The following LCORL variants were observed in gnomAD, a reference collection of about 807,000 sequenced individuals.
The protein encoded by LCORL is ligand-dependent nuclear receptor corepressor-like protein.
A neutral mutation model predicts 141.8 loss-of-function variants in LCORL; 41 were observed. The ratio of observed to expected loss-of-function variants is 0.29; its 90% CI spans 0.23 to 0.38. The LOEUF (loss-of-function observed/expected upper bound fraction) is 0.38, where lower values mean the gene tolerates loss of function less well. Ranked by LOEUF, LCORL falls within the 10% of genes least tolerant of loss-of-function variation. The pLI is 1.00. For missense variants in LCORL, 1,759 were observed against 2,035.0 expected (o/e 0.86, Z 2.61); for synonymous variants, 618 against 694.1 (o/e 0.89, Z 1.72).
At chr4:17,896,685 CG>C (rs1261446666) in intron 5 of LCORL, among the ~76,000 whole-genome samples, 1 of 152,122 alleles carries the variant, frequency 6.6e-6, no homozygotes, top group Non-Finnish European at 1.5e-5. Flanking sequence ...TCAGGGTAGA[CG>C]GGGCATCCAT....
intron 4 of LCORL, among the ~76,000 whole-genome samples, chr4:17,920,038 T>A (rs1055964694): frequency 1.3e-5 from 2 of 152,220 alleles, no homozygotes; most frequent in African/African-American, 4.8e-5. Context: ...GTGCATCTCT[T>A]CATCGGTATC....
At chr4:17,925,868 G>C (rs1017706741) in intron 4 of LCORL, among the ~76,000 whole-genome samples, 1 of 111,878 alleles carries the variant, frequency 8.9e-6, no homozygotes, top group Non-Finnish European at 1.6e-5. Flanking sequence ...GACAGAGTGA[G>C]ATTCCATCTC....
At position 17,938,172 on chromosome 4, in the gene LCORL, A is replaced by AT. The variant is rs577113638; in HGVS notation, c.430+23730dup. Among the ~76,000 whole-genome samples the AT allele has an allele frequency of 5.8e-4, 86 of 149,122 alleles. 1 individual carries two copies. In the East Asian group the frequency reaches 0.013, roughly 23 times the overall value. ...AGGCATGTGCCACCACGCCTGGCTAATTTTTTGTATTTTTATTAGAGATGG... is the reference window on the plus strand; with the variant it reads ...AGGCATGTGCCACCACGCCTGGCTAATTTTTTTGTATTTTTATTAGAGATGG... On this transcript the variant is annotated intron_variant, in intron 4 of 7. Coordinates refer to ENST00000635767, the Ensembl canonical transcript of LCORL.
intron 4 of LCORL, among the ~76,000 whole-genome samples, chr4:17,937,532 C>T (rs1008394187): frequency 3.3e-5 from 5 of 152,182 alleles, no homozygotes; most frequent in African/African-American, 1.2e-4. Flanking sequence ...CTAATAATTT[C>T]ATTCTTCCCT....
intron 2 of LCORL, among the ~76,000 whole-genome samples, chr4:17,966,527 A>C (rs1714910935): frequency 3.3e-5 from 5 of 152,134 alleles, no homozygotes. Context: ...CTGAAACAGA[A>C]AGCACCAACC....
intron 5 of LCORL, among the ~76,000 whole-genome samples, chr4:17,906,164 T>C (rs184445276): frequency 2.6e-5 from 4 of 152,328 alleles, no homozygotes; most frequent in South Asian, 4.1e-4. Flanking sequence ...CACATCCATA[T>C]GTACACACAA....
At chr4:17,951,229 T>C (rs1308535221) in intron 4 of LCORL, among the ~76,000 whole-genome samples, 2 of 152,244 alleles carry the variant, frequency 1.3e-5, no homozygotes, top group Non-Finnish European at 1.5e-5. Flanking sequence ...TTGACGATCA[T>C]TAATTATCTA....
At chr4:17,899,014 C>G (rs1730441151) in intron 5 of LCORL, among the ~76,000 whole-genome samples, 1 of 152,178 alleles carries the variant, frequency 6.6e-6, no homozygotes, top group African/African-American at 2.4e-5. Flanking sequence ...ATCAGTGTGA[C>G]AGGTGTGAAT....
At chr4:17,871,696 T>G (rs986184679) in intron 7 of LCORL, among the ~76,000 whole-genome samples, 1 of 151,968 alleles carries the variant, frequency 6.6e-6, no homozygotes, top group African/African-American at 2.4e-5. Flanking sequence ...GAATTATGTG[T>G]GTATATTTTC....
chr4:17,848,729 T>C (rs908002500), intron 7 of LCORL, among the ~76,000 whole-genome samples: 8 of 152,204 alleles, frequency 5.3e-5, no homozygotes, highest in Non-Finnish European at 2.9e-5. Flanking sequence ...GGGCGAGGCA[T>C]TGCCTCACTC....
At chr4:18,020,147 C>A (rs71603397) in intron 1 of LCORL, among the ~76,000 whole-genome samples, 19,226 of 152,186 alleles carry the variant, frequency 0.13, 1,356 homozygotes, top group South Asian at 0.26. Context: ...CTATATTCAT[C>A]GCGTTCTGCG....
chr4:17,912,500 G>T, intron 4 of LCORL: 1 of 502,834 alleles, frequency 2.0e-6, no homozygotes, highest in East Asian at 5.1e-5. Context: ...GAACTAGACA[G>T]GTTACTGGTC....
chr4:17,871,796 GAAC>G (rs1241050579), intron 7 of LCORL, among the ~76,000 whole-genome samples: 1 of 151,338 alleles, frequency 6.6e-6, no homozygotes, highest in African/African-American at 2.4e-5. Flanking sequence ...GTTATCCTAA[GAAC>G]AAGAAACAGG....
intron 1 of LCORL, among the ~76,000 whole-genome samples, chr4:17,989,522 T>C (rs924565715): frequency 7.2e-4 from 109 of 152,208 alleles, no homozygotes; most frequent in African/African-American, 2.6e-3. Context: ...TGATTTCAGA[T>C]ATTGAAAAAT....
chr4:18,021,221 G>A lies in LCORL; in HGVS notation c.154+377C>T, dbSNP rs1725509895. ...CCTGCCCGCCGGCTCTCCTCCGCCA[G>A]GGCGCCGACCCACCGGGCCGCTTCC... On this transcript the variant is annotated intron_variant, in intron 1 of 7. Transcript: ENST00000635767. The surrounding 1 kb of genome is among the most constrained non-coding windows in gnomAD (Gnocchi z 5.5). 6.6e-6 allele frequency among the ~76,000 whole-genome samples: 1 copy of A among 152,090 alleles called. No homozygotes were observed. Among genetic ancestry groups the A allele is most frequent in the Non-Finnish European group, 1.5e-5 (1 of 67,982 alleles).
In LCORL at chr4:17,899,639, A is replaced by G. The variant is rs1371720512; in HGVS notation, c.682+9455T>C. Among the ~76,000 whole-genome samples, 8 of 152,338 alleles carry G rather than the reference A, an allele frequency of 5.3e-5. No individual in the cohort carries two copies. In the East Asian group the frequency reaches 1.5e-3, roughly 29 times the overall value. On this transcript the variant is annotated intron_variant, in intron 5 of 7. Coordinates refer to ENST00000635767, the Ensembl canonical transcript of LCORL. ...ACTATCAGCTTTATTACAACTGGGCATAAGAACCCAATTTTGGCATATTGA... is the reference window on the plus strand; with the variant it reads ...ACTATCAGCTTTATTACAACTGGGCGTAAGAACCCAATTTTGGCATATTGA...
At chr4:17,874,658 C>T (rs1726726514) in exon 7 of LCORL, 1 of 1,233,766 alleles carries the variant, frequency 8.1e-7, no homozygotes, top group African/African-American at 1.5e-5. Context: ...TTGTTATTTG[C>T]TCAAATCTAT....
At position 17,958,705 on chromosome 4, in the gene LCORL, A is replaced by G. The variant is rs1713179927; in HGVS notation, c.430+3198T>C. Among the ~76,000 whole-genome samples the G allele has an allele frequency of 2.6e-5, 4 of 152,148 alleles. No individual in the cohort carries two copies. The South Asian group carries it at 8.3e-4, about 31-fold the overall frequency. ...CAAAACGAACAAAGGAAGTACTAAT[A>G]CTACCGAATATTCTGAGAAACTGAA... On this transcript the variant is annotated intron_variant, in intron 4 of 7. Transcript: ENST00000635767.
intron 5 of LCORL, among the ~76,000 whole-genome samples, chr4:17,907,261 C>CG (rs1371766935): frequency 6.6e-6 from 1 of 152,124 alleles, no homozygotes; most frequent in Non-Finnish European, 1.5e-5. Flanking sequence ...TGATGAGGAA[C>CG]GGGGGGTAGA....
Sources: allele counts gnomAD v4.1 joint callset (sites outside exome capture counted in the v4.1 genomes callset), GRCh38; gene constraint gnomAD v4.1.1; non-coding constraint Gnocchi (gnomAD v3.1); transcripts MANE v1.5; gene names NCBI Gene and HGNC (gene_info 2026-07-23, HGNC 2026-07-21).